SLC1A4: variants seen among roughly 807,000 people sequenced by gnomAD.
SLC1A4 encodes the protein neutral amino acid transporter A.
A neutral mutation model predicts 37.7 loss-of-function variants in SLC1A4; 19 were observed. The observed-to-expected ratio is 0.50, with a 90% CI of 0.35 to 0.74. The LOEUF is 0.74. Ranked by LOEUF, SLC1A4 falls within the 30% of genes least tolerant of loss-of-function variation. The pLI, the probability that SLC1A4 is intolerant of heterozygous loss-of-function variation, is 0.01. For synonymous variants in SLC1A4, 299 were observed against 309.8 expected, an observed-to-expected ratio of 0.97 and a Z score of 0.37; for missense variants, 570 against 712.9, an observed-to-expected ratio of 0.80 and a Z score of 2.28.
At position 64,990,135 on chromosome 2, in the gene SLC1A4, CAA is replaced by C; in HGVS notation, c.494_495del (p.Lys165ArgfsTer31). 6.2e-7 allele frequency: 1 copy of C among 1,610,356 alleles called. No homozygotes were observed. Among genetic ancestry groups the C allele is most frequent in the East Asian group, 2.2e-5 (1 of 44,802 alleles). On this transcript the variant is annotated frameshift_variant, in exon 1 of 8. Transcript: ENST00000234256. LOFTEE classifies it high-confidence loss of function. ...LEDSGPPPVP[K>X]ETVDSFLDLA... is the part of the protein sequence containing the mutation. ...AGGACTCGGGGCCTCCTCCTGTCCC[CAA>C]AGAGACGGTGGACTCTTTCCTCGAC...
In SLC1A4 at chr2:65,003,959, A is replaced by G; in HGVS notation, c.577A>G (p.Thr193Ala). 1 of 1,614,056 alleles carries G rather than the reference A, an allele frequency of 6.2e-7. No homozygotes were observed. Among genetic ancestry groups the G allele is most frequent in the Non-Finnish European group, 8.5e-7 (1 of 1,179,910 alleles). The change falls in exon 3 of 8, where the codon ACC becomes GCC. Residue 193 changes from threonine to alanine, a missense_variant. Transcript: ENST00000234256. ...TTTTTCCTCTTGATCACAGTATGCA[A>G]CCGATTATAAAGTCGTGACCCAGAA... Reference protein sequence around the residue: ...LVVAAFRTYATDYKVVTQNSS... With the variant: ...LVVAAFRTYAADYKVVTQNSS...
rs745574899 is a variant in SLC1A4 at position 65,018,505 on chromosome 2, G to C, written c.1230-40G>C. 19 of 1,609,294 alleles carry C rather than the reference G, an allele frequency of 1.2e-5. No homozygotes were observed. The highest frequency in any genetic ancestry group is 1.5e-5 in the Non-Finnish European group (18 of 1,177,626). ...CTGCATTTCTCTGTGTCCACTCCACGCTCTATGTTAATGGCTGGCCCTGCT... is the reference window on the plus strand; with the variant it reads ...CTGCATTTCTCTGTGTCCACTCCACCCTCTATGTTAATGGCTGGCCCTGCT... On this transcript the variant is annotated intron_variant, in intron 6 of 7. Coordinates refer to ENST00000234256, the MANE Select transcript of SLC1A4 (RefSeq NM_003038.5). The surrounding 1 kb of genome is among the most constrained non-coding windows in gnomAD (Gnocchi z 4.3).
In SLC1A4 at chr2:65,018,045, TGGC is replaced by T. The variant is rs771470886; in HGVS notation, c.1035-23_1035-21del. The T allele has an allele frequency of 8.1e-6, 13 of 1,605,502 alleles. No homozygotes were observed. The highest frequency in any genetic ancestry group is 1.1e-5 in the Non-Finnish European group (13 of 1,173,684). ...GCCTGCCTCGGACTGTTGTCATGTC[TGGC>T]GGTTTGTTTTTCCCATTTCTAGCTC... is the stretch of plus-strand genomic sequence containing the variant. On this transcript the variant is annotated intron_variant, in intron 5 of 7. Transcript: ENST00000234256. The surrounding 1 kb of genome is among the most constrained non-coding windows in gnomAD (Gnocchi z 4.3).
At chr2:65,014,381 A>AG (rs1310806563) in intron 4 of SLC1A4, among the ~76,000 whole-genome samples, 4 of 152,252 alleles carry the variant, frequency 2.6e-5, no homozygotes, top group Non-Finnish European at 4.4e-5. Flanking sequence ...ATTAGAAATA[A>AG]GGGAAATGAA....
At chr2:64,990,773 T>C (rs1673020103) in intron 1 of SLC1A4, among the ~76,000 whole-genome samples, 1 of 152,194 alleles carries the variant, frequency 6.6e-6, no homozygotes, top group Non-Finnish European at 1.5e-5. Context: ...TGGGACAGGT[T>C]GCTGTCCACC....
intron 2 of SLC1A4, among the ~76,000 whole-genome samples, chr2:65,001,876 A>T (rs2103647089): frequency 6.6e-6 from 1 of 152,374 alleles, no homozygotes; most frequent in Non-Finnish European, 1.5e-5. Flanking sequence ...AATACAAAGA[A>T]GTGTCAGAAA....
In SLC1A4 at chr2:65,001,510, T is replaced by C. The variant is rs1182376082; in HGVS notation, c.570+20T>C. The C allele has an allele frequency of 6.2e-7, 1 of 1,607,590 alleles. No individual in the cohort carries two copies. The highest frequency in any genetic ancestry group is 1.3e-5 in the African/African-American group (1 of 74,782). On this transcript the variant is annotated intron_variant, in intron 2 of 7. Coordinates refer to ENST00000234256, the MANE Select transcript of SLC1A4 (RefSeq NM_003038.5). ...CGTACGGTAAGGCTTGATACTTTGC[T>C]AAAAATATGAAACTTTGATGGAAGA...
intron 1 of SLC1A4, among the ~76,000 whole-genome samples, chr2:64,997,959 C>A (rs572971966): frequency 6.6e-6 from 1 of 151,594 alleles, no homozygotes; most frequent in East Asian, 1.9e-4. Context: ...AATTGGCAGG[C>A]GCAGTGGCTC....
intron 1 of SLC1A4, among the ~76,000 whole-genome samples, chr2:64,992,544 G>T (rs1283850532): frequency 1.3e-5 from 2 of 152,156 alleles, no homozygotes; most frequent in Non-Finnish European, 2.9e-5. Context: ...GATAAAGGTA[G>T]GGCAGGTGGT....
intron 1 of SLC1A4, among the ~76,000 whole-genome samples, chr2:64,994,237 G>A (rs548330552): frequency 4.1e-4 from 63 of 152,226 alleles, no homozygotes; most frequent in Non-Finnish European, 7.6e-4. Flanking sequence ...CTGACATTCC[G>A]GTTTCTTTTT....
At chr2:65,001,117 C>G (rs1321003164) in intron 1 of SLC1A4, 2 of 227,730 alleles carry the variant, frequency 8.8e-6, no homozygotes, top group East Asian at 2.1e-4. Flanking sequence ...CCCAGCAGCG[C>G]AGGCACAGTT....
At chr2:65,007,995 C>G (rs1673753717) in intron 3 of SLC1A4, among the ~76,000 whole-genome samples, 1 of 152,206 alleles carries the variant, frequency 6.6e-6, no homozygotes, top group Non-Finnish European at 1.5e-5. Flanking sequence ...CCTACACCTC[C>G]TGGCCTCTCG....
At chr2:64,996,961 T>A (rs1350512082) in intron 1 of SLC1A4, among the ~76,000 whole-genome samples, 2 of 152,102 alleles carry the variant, frequency 1.3e-5, no homozygotes, top group Non-Finnish European at 2.9e-5. Context: ...AGAAGAGAGC[T>A]CAGGAGTAAG....
chr2:64,998,321 T>G (rs537057147), intron 1 of SLC1A4, among the ~76,000 whole-genome samples: 19 of 150,230 alleles, frequency 1.3e-4, no homozygotes, highest in African/African-American at 3.7e-4. Flanking sequence ...TTCGGGAAGC[T>G]GAGGCAGGAG....
rs1262730619 is a variant in SLC1A4, at chr2:65,022,853, T to C, written c.*1707T>C. ...CAGTGTTCAGCCTCCTTCACTCCCT[T>C]GTTTTCCCTGTTGCTATGTGTCACC... On this transcript the variant is annotated 3_prime_UTR_variant, in exon 8 of 8. Transcript: ENST00000234256. The C allele has an allele frequency of 6.6e-6, 1 of 152,366 alleles. No homozygotes were observed. The highest frequency in any genetic ancestry group is 6.5e-5 in the Admixed American group (1 of 15,280). The allele number at this position is 152,366 out of a possible 1,614,324, so 9.4% of individuals were successfully genotyped here.
chr2:65,007,031 A>G (rs897587766), intron 3 of SLC1A4, among the ~76,000 whole-genome samples: 1 of 152,206 alleles, frequency 6.6e-6, no homozygotes, highest in African/African-American at 2.4e-5. Context: ...AACTTGCCAC[A>G]GACACACTCC....
At chr2:65,012,306 G>A (rs1242477108) in intron 4 of SLC1A4, among the ~76,000 whole-genome samples, 1 of 149,534 alleles carries the variant, frequency 6.7e-6, no homozygotes, top group Non-Finnish European at 1.5e-5. Flanking sequence ...AGCCACGATG[G>A]TCTCCATCTC....
chr2:65,001,247 A>G, intron 1 of SLC1A4: 1 of 555,168 alleles, frequency 1.8e-6, no homozygotes, highest in Non-Finnish European at 3.2e-6. Flanking sequence ...TTTTAAGAAT[A>G]CTGATGAAGA....
Position 65,018,652 on chromosome 2 carries a change from C to T in SLC1A4, c.1337C>T (p.Pro446Leu), listed in dbSNP as rs1674282971. 1 of 1,614,116 alleles carries T rather than the reference C, an allele frequency of 6.2e-7. No homozygotes were observed. Reference sequence around the variant, plus strand: ...ATTGGGCTGCCTACTCATGACCTGCCTCTGATCCTGGCTGTGGACTGGATT... The same window carrying T: ...ATTGGGCTGCCTACTCATGACCTGCTTCTGATCCTGGCTGTGGACTGGATT... ...EAIGLPTHDL[P>L]LILAVDWIVD... The change falls in exon 7 of 8, where the codon CCT (proline) becomes CTT (leucine). Residue 446 changes from proline to leucine, a missense_variant. Physicochemically the swap from Pro to Leu is moderately conservative, Grantham distance 98 (BLOSUM62 -3). Coordinates refer to ENST00000234256, the MANE Select transcript of SLC1A4 (RefSeq NM_003038.5). This position sits in a 1 kb window ranked among gnomAD's most constrained non-coding sequence, Gnocchi z 4.3.
Sources: gnomAD v4.1 joint callset for allele counts (sites outside exome capture counted in the v4.1 genomes callset) on GRCh38, gnomAD v4.1.1 for gene constraint, Gnocchi (gnomAD v3.1) non-coding constraint, MANE v1.5 for transcripts, NCBI Gene and HGNC (gene_info 2026-07-23, HGNC 2026-07-21) for gene names.